SEL1L3: variants seen among roughly 807,000 people sequenced by gnomAD.
SEL1L3 encodes the protein SEL1L family member 3.
A neutral mutation model predicts 142.8 loss-of-function variants in SEL1L3; 76 were observed. The observed-to-expected ratio is 0.53, with a 90% CI of 0.44 to 0.64. SEL1L3 has a LOEUF of 0.64. SEL1L3 is among the 30% of genes least tolerant of loss of function. The pLI is 0.00. For missense variants in SEL1L3, 1,262 were observed against 1,381.7 expected (o/e 0.91, Z 1.37); for synonymous variants, 504 against 519.6 (o/e 0.97, Z 0.41).
At chr4:25,862,650 G>C in intron 1 of SEL1L3, 25 bp downstream of exon 1, 1 of 1,226,442 alleles carries the variant, frequency 8.2e-7, no homozygotes, top group Non-Finnish European at 1.0e-6. Flanking sequence ...CGGAGGGGAA[G>C]ACCCGGGCAG....
At chr4:25,837,281 T>C (rs777848562) in intron 2 of SEL1L3, among the ~76,000 whole-genome samples, 9 of 147,692 alleles carry the variant, frequency 6.1e-5, no homozygotes, top group Non-Finnish European at 1.2e-4. Flanking sequence ...ATGGCCACGT[T>C]AGACCCCTAG....
chr4:25,723,059 A>T, the SEL1L3 span, among the ~76,000 whole-genome samples: 1 of 152,148 alleles, frequency 6.6e-6, no homozygotes, highest in Non-Finnish European at 1.5e-5. Context: ...ATGTGGGCAG[A>T]GCCTTCAGCA....
chr4:25,827,921 A>G (rs1715196162), intron 6 of SEL1L3, among the ~76,000 whole-genome samples: 2 of 152,220 alleles, frequency 1.3e-5, no homozygotes, highest in Non-Finnish European at 2.9e-5. Context: ...TTCACAGAAC[A>G]TGGAGATCTG....
downstream of SEL1L3, among the ~76,000 whole-genome samples, chr4:25,745,309 C>G (rs1717225901): frequency 6.6e-6 from 1 of 151,918 alleles, no homozygotes; most frequent in South Asian, 2.1e-4. Context: ...GCTGGAAAAT[C>G]TCTTGAGCCT....
At position 25,757,604 on chromosome 4, in the gene SEL1L3, G is replaced by A. The variant is rs369887784; in HGVS notation, c.3189C>T (p.Ile1063=). ...LWGAILHSAL[I]YFLGTFLLSI... ...ATAGCAGAAAGGTTCCCAGAAAGTA[G>A]ATCTGCAAACATCAGAAGCACGCAT... Residue 1063 remains isoleucine, a splice_region_variant and synonymous_variant, in exon 23 of 24, where the codon ATC becomes ATT. Transcript: ENST00000399878. The A allele has an allele frequency of 2.2e-4, 338 of 1,553,170 alleles. No homozygotes were observed. The highest frequency in any genetic ancestry group is 2.8e-4 in the Non-Finnish European group (324 of 1,148,154).
At chr4:25,794,183 T>G (rs540754017) in intron 11 of SEL1L3, among the ~76,000 whole-genome samples, 12 of 152,286 alleles carry the variant, frequency 7.9e-5, no homozygotes. Context: ...TGGGATGAAT[T>G]AAACTAAACA....
At chr4:25,802,826 C>A (rs1228761435) in intron 10 of SEL1L3, among the ~76,000 whole-genome samples, 1 of 152,050 alleles carries the variant, frequency 6.6e-6, no homozygotes, top group Non-Finnish European at 1.5e-5. Flanking sequence ...CATGATCTAC[C>A]CGCCTCGGTT....
intron 9 of SEL1L3, among the ~76,000 whole-genome samples, chr4:25,810,307 G>T (rs1022514528): frequency 6.6e-6 from 1 of 152,120 alleles, no homozygotes; most frequent in Non-Finnish European, 1.5e-5. Flanking sequence ...CCTGTTCAGT[G>T]CCTTTGTGTC....
intron 15 of SEL1L3, 85 bp downstream of exon 15, chr4:25,782,157 G>A: frequency 8.3e-7 from 1 of 1,203,860 alleles, no homozygotes; most frequent in Non-Finnish European, 1.2e-6. Flanking sequence ...CTGGGGTTGG[G>A]TCTGGTGCAC....
At chr4:25,714,541 T>TTTCTTTC in the SEL1L3 span, among the ~76,000 whole-genome samples, 1 of 132,320 alleles carries the variant, frequency 7.6e-6, no homozygotes, top group Non-Finnish European at 1.6e-5. Flanking sequence ...TCTTTCTTTC[T>TTTCTTTC]TTCTTTCTTT....
At chr4:25,729,540 C>T in the SEL1L3 span, among the ~76,000 whole-genome samples, 3 of 152,052 alleles carry the variant, frequency 2.0e-5, no homozygotes, top group Admixed American at 2.0e-4. Context: ...GTGGTGAAAC[C>T]CCTTCTCTAC....
At chr4:25,853,326 A>G (rs1717025046) in intron 1 of SEL1L3, among the ~76,000 whole-genome samples, 3 of 152,190 alleles carry the variant, frequency 2.0e-5, no homozygotes, top group African/African-American at 7.2e-5. Flanking sequence ...TTCTGTTTCA[A>G]AAAAACTCTC....
chr4:25,788,108 A>C lies in SEL1L3; in HGVS notation c.2217+116T>G. ...ATTCTTTTCCATCAAGAGTGACAGA[A>C]GCATATACTAAATTTCTTCAGTTAT... On this transcript the variant is annotated intron_variant, in intron 13 of 23. Transcript: ENST00000399878. The surrounding 1 kb of genome is among the most constrained non-coding windows in gnomAD (Gnocchi z 5.3). The C allele has an allele frequency of 2.2e-6, 2 of 927,284 alleles. No individual in the cohort carries two copies. Among genetic ancestry groups the C allele is most frequent in the Non-Finnish European group, 3.3e-6 (2 of 598,492 alleles). 57.4% of individuals were successfully genotyped at this position (927,284 alleles called of 1,614,324 possible). A position where few individuals can be genotyped will look rare whatever the true frequency, so the allele number is the denominator to read the frequency against.
chr4:25,859,611 T>C (rs909305049), intron 1 of SEL1L3, among the ~76,000 whole-genome samples: 6 of 152,096 alleles, frequency 3.9e-5, no homozygotes, highest in Non-Finnish European at 7.4e-5. Flanking sequence ...AACAGGCAAA[T>C]AGGTGAAGAT....
intron 9 of SEL1L3, among the ~76,000 whole-genome samples, chr4:25,806,033 TTTTG>T (rs1457997046): frequency 2.8e-5 from 4 of 145,320 alleles, no homozygotes; most frequent in Non-Finnish European, 4.5e-5. Flanking sequence ...TTTTGTTTTG[TTTTG>T]TTTGTTTTTT....
At chr4:25,822,415 C>T (rs150156894) in intron 6 of SEL1L3, among the ~76,000 whole-genome samples, 1,603 of 152,250 alleles carry the variant, frequency 0.011, 12 homozygotes, top group Non-Finnish European at 0.017. Flanking sequence ...AAGAGGATTA[C>T]GTGAAGTGTA....
intron 1 of SEL1L3, among the ~76,000 whole-genome samples, chr4:25,853,851 C>A (rs1047323868): frequency 6.6e-6 from 1 of 151,730 alleles, no homozygotes; most frequent in East Asian, 1.9e-4. Context: ...TTTGTATTTT[C>A]AGTAGAGACA....
chr4:25,810,420 A>G (rs1164819774), intron 9 of SEL1L3, among the ~76,000 whole-genome samples: 1 of 152,192 alleles, frequency 6.6e-6, no homozygotes, highest in Non-Finnish European at 1.5e-5. Context: ...TCTGGATGCC[A>G]GAGCCCCATT....
At chr4:25,723,829 T>C in the SEL1L3 span, among the ~76,000 whole-genome samples, 1 of 152,124 alleles carries the variant, frequency 6.6e-6, no homozygotes, top group Non-Finnish European at 1.5e-5. Flanking sequence ...GCAGCGGAGA[T>C]TCACCAATAA....
Sources: gnomAD v4.1 joint callset for allele counts (sites outside exome capture counted in the v4.1 genomes callset) on GRCh38, gnomAD v4.1.1 for gene constraint, Gnocchi (gnomAD v3.1) non-coding constraint, MANE v1.5 for transcripts, NCBI Gene and HGNC (gene_info 2026-07-23, HGNC 2026-07-21) for gene names.